The following SLC35F1 variants were observed in gnomAD, a reference collection of about 807,000 sequenced individuals.
SLC35F1 encodes the protein chromosome 6 open reading frame 169.
A neutral mutation model predicts 48.7 loss-of-function variants in SLC35F1; 14 were observed. The ratio of observed to expected loss-of-function variants is 0.29; its 90% confidence interval spans 0.19 to 0.45. The LOEUF (loss-of-function observed/expected upper bound fraction) is 0.45, where lower values mean the gene tolerates loss of function less well. Ranked by LOEUF, SLC35F1 falls within the 20% of genes least tolerant of loss-of-function variation. The pLI, the probability that SLC35F1 is intolerant of heterozygous loss-of-function variation, is 1.00. For synonymous variants in SLC35F1, 190 were observed against 202.2 expected (o/e 0.94, Z 0.51); for missense variants, 404 against 500.0 (o/e 0.81, Z 1.83).
Position 117,998,578 on chromosome 6 carries a change from T to C in SLC35F1, c.173+90679T>C, listed in dbSNP as rs547334993. Among the ~76,000 whole-genome samples, 211 of 152,118 alleles carry C rather than the reference T, an allele frequency of 1.4e-3. 1 individual carries two copies. The highest frequency in any genetic ancestry group is 5.0e-3 in the African/African-American group (206 of 41,476). On this transcript the variant is annotated intron_variant, in intron 1 of 7. Transcript: ENST00000360388. ...ATCAGAAATTATAACAAACTATCTC[T>C]CAGACCACAGTGCAATCCAACTAGA...
intron 1 of SLC35F1, among the ~76,000 whole-genome samples, chr6:117,946,955 A>C (rs879567038): frequency 2.0e-5 from 3 of 152,230 alleles, no homozygotes; most frequent in Non-Finnish European, 4.4e-5. Flanking sequence ...GTTTTGAGAA[A>C]ACAGTGAACA....
chr6:118,096,856 C>A (rs1417599587), intron 1 of SLC35F1, among the ~76,000 whole-genome samples: 2 of 152,132 alleles, frequency 1.3e-5, no homozygotes, highest in African/African-American at 4.8e-5. Flanking sequence ...CACTATGCCC[C>A]TATTCCCTGC....
chr6:118,067,853 G>A (rs1397240106), intron 1 of SLC35F1, among the ~76,000 whole-genome samples: 3 of 152,132 alleles, frequency 2.0e-5, no homozygotes, highest in Non-Finnish European at 2.9e-5. Flanking sequence ...GTCTGATTCA[G>A]TAGACCTGGG....
intron 2 of SLC35F1, among the ~76,000 whole-genome samples, chr6:118,173,276 T>C (rs1270620765): frequency 6.6e-6 from 1 of 150,718 alleles, no homozygotes; most frequent in Admixed American, 6.6e-5. Context: ...AAAAGAAACC[T>C]AAATGTACAA....
chr6:118,295,173 A>G (rs1054853858), intron 7 of SLC35F1, among the ~76,000 whole-genome samples: 2 of 152,140 alleles, frequency 1.3e-5, no homozygotes, highest in Admixed American at 6.6e-5. Flanking sequence ...GGTGGTTGTT[A>G]TAAGAGATTT....
At chr6:118,071,123 A>ATATAGTATG in intron 1 of SLC35F1, among the ~76,000 whole-genome samples, 1 of 106,870 alleles carries the variant, frequency 9.4e-6, no homozygotes, top group African/African-American at 3.3e-5. Flanking sequence ...ATATACATAT[A>ATATAGTATG]TACATATATA....
At chr6:118,103,820 T>C (rs187984806) in intron 1 of SLC35F1, among the ~76,000 whole-genome samples, 1 of 149,122 alleles carries the variant, frequency 6.7e-6, no homozygotes, top group East Asian at 1.9e-4. Flanking sequence ...CCTTGAAATG[T>C]TTTTTTTTCT....
chr6:117,977,219 C>T (rs1328378283), intron 1 of SLC35F1, among the ~76,000 whole-genome samples: 4 of 145,554 alleles, frequency 2.7e-5, no homozygotes, highest in South Asian at 2.1e-4. Flanking sequence ...TTTTTTGAGA[C>T]GGAGTCTCTC....
Position 118,049,144 on chromosome 6 carries a change from G to GA in SLC35F1, c.174-105297dup, listed in dbSNP as rs1405920121. Among the ~76,000 whole-genome samples, 68 of 152,268 alleles carry GA rather than the reference G, an allele frequency of 4.5e-4. 1 individual carries two copies. Among genetic ancestry groups the GA allele is most frequent in the African/African-American group, 1.5e-3 (62 of 41,552 alleles). On this transcript the variant is annotated intron_variant, in intron 1 of 7. Coordinates refer to ENST00000360388, the MANE Select transcript of SLC35F1 (RefSeq NM_001029858.4). ...TTCCCTATTTAATAAATGGTGCTGG[G>GA]AAAACAGGCTAGCCAAACGTAGAAA...
At chr6:118,154,252 T>G (rs1774106552) in intron 1 of SLC35F1, among the ~76,000 whole-genome samples, 193 bp from the exon 2 acceptor site, 1 of 152,202 alleles carries the variant, frequency 6.6e-6, no homozygotes. Flanking sequence ...ACTCTAAGTT[T>G]TGGTTTCCTC....
chr6:118,024,836 T>G (rs951418897), intron 1 of SLC35F1, among the ~76,000 whole-genome samples: 8 of 152,174 alleles, frequency 5.3e-5, no homozygotes, highest in Non-Finnish European at 1.0e-4. Context: ...TAGGGATGTC[T>G]TTATCTATAG....
intron 1 of SLC35F1, among the ~76,000 whole-genome samples, chr6:117,923,197 A>G (rs762054748): frequency 3.9e-5 from 6 of 152,122 alleles, no homozygotes; most frequent in African/African-American, 7.2e-5. Context: ...GACAAACCAG[A>G]TGAAGTTTAT....
intron 7 of SLC35F1, among the ~76,000 whole-genome samples, chr6:118,301,978 A>G (rs1282921534): frequency 6.6e-6 from 1 of 152,126 alleles, no homozygotes; most frequent in African/African-American, 2.4e-5. Flanking sequence ...CTATACACAA[A>G]ATGTTACAAA....
intron 1 of SLC35F1, among the ~76,000 whole-genome samples, chr6:118,114,971 CT>C (rs1218418576): frequency 2.0e-5 from 3 of 152,118 alleles, no homozygotes; most frequent in Admixed American, 1.3e-4. Context: ...GAAGCAGCAT[CT>C]AGGATATCAT....
At chr6:118,281,787 A>G (rs1775987896) in intron 6 of SLC35F1, among the ~76,000 whole-genome samples, 1 of 152,194 alleles carries the variant, frequency 6.6e-6, no homozygotes, top group Non-Finnish European at 1.5e-5. Flanking sequence ...CTTGTACTCC[A>G]TATAACATAT....
chr6:117,922,593 A>G (rs1423862989), intron 1 of SLC35F1, among the ~76,000 whole-genome samples: 2 of 152,206 alleles, frequency 1.3e-5, no homozygotes. Context: ...TTATTATTTT[A>G]GTAATCAACT....
chr6:118,036,939 T>C (rs1772141569), intron 1 of SLC35F1, among the ~76,000 whole-genome samples: 1 of 152,158 alleles, frequency 6.6e-6, no homozygotes, highest in Non-Finnish European at 1.5e-5. Flanking sequence ...TTTGGAATGG[T>C]CTGATTCTTG....
chr6:118,163,368 A>G (rs1371148929), intron 2 of SLC35F1, among the ~76,000 whole-genome samples: 1 of 152,098 alleles, frequency 6.6e-6, no homozygotes, highest in Admixed American at 6.6e-5. Context: ...TGAATATGTA[A>G]CACCATCTAC....
intron 2 of SLC35F1, among the ~76,000 whole-genome samples, chr6:118,204,749 CA>C (rs1444224324): frequency 6.6e-6 from 1 of 152,168 alleles, no homozygotes; most frequent in Non-Finnish European, 1.5e-5. Flanking sequence ...GTATCCAAAT[CA>C]AGAAACAGTA....
Sources: allele counts gnomAD v4.1 joint callset (sites outside exome capture counted in the v4.1 genomes callset), GRCh38; gene constraint gnomAD v4.1.1; transcripts MANE v1.5; gene names NCBI Gene and HGNC (gene_info 2026-07-23, HGNC 2026-07-21).